The following PRICKLE1 variants were observed in gnomAD, a reference collection of about 807,000 sequenced individuals.
The protein encoded by PRICKLE1 is prickle planar cell polarity protein 1.
A neutral mutation model predicts 70.2 loss-of-function variants in PRICKLE1; 14 were observed. The ratio of observed to expected loss-of-function variants is 0.20; its 90% CI spans 0.13 to 0.31. The LOEUF (loss-of-function observed/expected upper bound fraction) is 0.31. Among genes scored for constraint, PRICKLE1 ranks in the 10% least tolerant of loss-of-function variants. The pLI is 1.00. For synonymous variants in PRICKLE1, 357 were observed against 379.9 expected (o/e 0.94, Z 0.70); for missense variants, 821 against 1,026.2 (o/e 0.80, Z 2.73).
chr12:42,509,815 C>T (rs1939480406), intron 1 of PRICKLE1, among the ~76,000 whole-genome samples: 1 of 152,034 alleles, frequency 6.6e-6, no homozygotes, highest in Admixed American at 6.5e-5. Flanking sequence ...TGGCTCACAC[C>T]TGTAATCCCA....
Position 42,536,277 on chromosome 12 carries a change from C to A in PRICKLE1, c.-49+53188G>T, listed in dbSNP as rs148671691. On this transcript the variant is annotated intron_variant, in intron 1 of 7. Coordinates refer to ENST00000345127, the MANE Select transcript of PRICKLE1 (RefSeq NM_153026.3). ...GAAGATGCTAAAGAAAGAAATTAATCCAGGAAACTGGGGATAGAATGTAAG... is the reference window on the plus strand; with the variant it reads ...GAAGATGCTAAAGAAAGAAATTAATACAGGAAACTGGGGATAGAATGTAAG... 6.2e-4 allele frequency among the ~76,000 whole-genome samples: 95 copies of A among 152,248 alleles called. No individual in the cohort carries two copies. The East Asian group carries it at 0.017, about 27-fold the overall frequency.
chr12:42,561,663 G>T (rs948712822), intron 1 of PRICKLE1, among the ~76,000 whole-genome samples: 7 of 152,108 alleles, frequency 4.6e-5, no homozygotes, highest in African/African-American at 1.7e-4. Context: ...AGTAGACAAT[G>T]AAATGTATTT....
Position 42,457,884 on chromosome 12 carries a change from T to G in PRICKLE1, c.*1925A>C, listed in dbSNP as rs1217058042. The stretch of plus-strand genomic sequence containing the variant: ...GGGGAGAGGACCTGGGGGACTGGGA[T>G]GAAGAATGGAAAGGAGATGCTGTCT... On this transcript the variant is annotated 3_prime_UTR_variant, in exon 8 of 8. Coordinates refer to ENST00000345127, the MANE Select transcript of PRICKLE1 (RefSeq NM_153026.3). The G allele has an allele frequency of 6.6e-6, 1 of 152,236 alleles. No homozygotes were observed. The highest frequency in any genetic ancestry group is 1.5e-5 in the Non-Finnish European group (1 of 68,052). 9.4% of individuals were successfully genotyped at this position (152,236 alleles called of 1,614,324 possible).
At chr12:42,577,874 GTTCTT>G (rs1940828623) in intron 1 of PRICKLE1, among the ~76,000 whole-genome samples, 1 of 152,078 alleles carries the variant, frequency 6.6e-6, no homozygotes, top group Non-Finnish European at 1.5e-5. Context: ...CCTTTCTATT[GTTCTT>G]TTCTTCTTTC....
chr12:42,586,378 T>A (rs1940987749), intron 1 of PRICKLE1, among the ~76,000 whole-genome samples: 1 of 152,114 alleles, frequency 6.6e-6, no homozygotes, highest in African/African-American at 2.4e-5. Flanking sequence ...CACTTTGATT[T>A]TTTAAAATTA....
chr12:42,552,824 G>A (rs1272715386), intron 1 of PRICKLE1, among the ~76,000 whole-genome samples: 3 of 152,214 alleles, frequency 2.0e-5, no homozygotes, highest in African/African-American at 4.8e-5. Flanking sequence ...CCAGGGACCC[G>A]TTTCATGGAA....
intron 1 of PRICKLE1, among the ~76,000 whole-genome samples, chr12:42,527,304 T>C (rs1447990994): frequency 1.3e-5 from 2 of 152,054 alleles, no homozygotes; most frequent in Non-Finnish European, 2.9e-5. Context: ...GGCTAATTTT[T>C]GTATTTTTAG....
chr12:42,544,154 T>C (rs187809015), intron 1 of PRICKLE1, among the ~76,000 whole-genome samples: 120 of 152,326 alleles, frequency 7.9e-4, no homozygotes, highest in Admixed American at 2.7e-3. Flanking sequence ...TTCAAACCTG[T>C]GTTGTTCAAG....
At chr12:42,520,034 G>C (rs540074061) in intron 1 of PRICKLE1, among the ~76,000 whole-genome samples, 1 of 152,262 alleles carries the variant, frequency 6.6e-6, no homozygotes, top group Admixed American at 6.5e-5. Context: ...TACAAGTTCT[G>C]ATAAGGCATG....
At chr12:42,585,987 T>G (rs753928972) in intron 1 of PRICKLE1, among the ~76,000 whole-genome samples, 1 of 152,156 alleles carries the variant, frequency 6.6e-6, no homozygotes, top group African/African-American at 2.4e-5. Flanking sequence ...ACTGCAACAA[T>G]GCAGGACTTG....
chr12:42,522,145 T>C (rs1350266650), intron 1 of PRICKLE1, among the ~76,000 whole-genome samples: 5 of 152,048 alleles, frequency 3.3e-5, no homozygotes, highest in Non-Finnish European at 5.9e-5. Flanking sequence ...CCAACTAATT[T>C]TTGTATTTTT....
chr12:42,532,845 C>G (rs564240595), intron 1 of PRICKLE1, among the ~76,000 whole-genome samples: 1 of 148,196 alleles, frequency 6.7e-6, no homozygotes, highest in Non-Finnish European at 1.5e-5. Flanking sequence ...TGCAGTGAGC[C>G]GAGATCGTGT....
At chr12:42,461,172 C>T (rs951036193) in intron 7 of PRICKLE1, among the ~76,000 whole-genome samples, 4 of 152,226 alleles carry the variant, frequency 2.6e-5, no homozygotes, top group East Asian at 1.9e-4. Flanking sequence ...TGAGCCACTG[C>T]ACCTGGCCTG....
chr12:42,579,473 G>A (rs78023136), intron 1 of PRICKLE1, among the ~76,000 whole-genome samples: 131 of 152,292 alleles, frequency 8.6e-4, no homozygotes, highest in East Asian at 7.5e-3. Flanking sequence ...TCCTTGACCT[G>A]TTTAGCTACA....
intron 1 of PRICKLE1, chr12:42,482,774 T>A (rs530677682): frequency 1.3e-5 from 2 of 152,534 alleles, no homozygotes; most frequent in South Asian, 4.1e-4. Flanking sequence ...AAGGAAAGGA[T>A]GTCACCGTAC....
intron 1 of PRICKLE1, among the ~76,000 whole-genome samples, chr12:42,578,275 T>A (rs978448817): frequency 6.6e-6 from 1 of 152,222 alleles, no homozygotes; most frequent in African/African-American, 2.4e-5. Flanking sequence ...GATTAGCTTT[T>A]CACCCCTGGA....
chr12:42,522,149 T>C (rs1051222378), intron 1 of PRICKLE1, among the ~76,000 whole-genome samples: 1 of 152,126 alleles, frequency 6.6e-6, no homozygotes, highest in Non-Finnish European at 1.5e-5. Context: ...CTAATTTTTG[T>C]ATTTTTAGTA....
At chr12:42,547,396 A>G (rs1260033382) in intron 1 of PRICKLE1, among the ~76,000 whole-genome samples, 2 of 152,250 alleles carry the variant, frequency 1.3e-5, no homozygotes, top group African/African-American at 4.8e-5. Flanking sequence ...GCCCTTGGGC[A>G]GATTATGTAA....
intron 1 of PRICKLE1, among the ~76,000 whole-genome samples, chr12:42,512,282 T>C (rs1939527588): frequency 6.6e-6 from 1 of 152,110 alleles, no homozygotes; most frequent in Non-Finnish European, 1.5e-5. Flanking sequence ...GCAATTCTTG[T>C]GCCTCAGCCT....
Sources: gnomAD v4.1 joint callset for allele counts (sites outside exome capture counted in the v4.1 genomes callset) on GRCh38, gnomAD v4.1.1 for gene constraint, MANE v1.5 for transcripts, NCBI Gene and HGNC (gene_info 2026-07-23, HGNC 2026-07-21) for gene names.